PMS1: variants seen among roughly 807,000 people sequenced by gnomAD.
The protein encoded by PMS1 is PMS1 protein homolog 1.
PMS1 carries 79 observed loss-of-function variants against 93.1 expected under a neutral mutation model. That is an observed-to-expected ratio of 0.85 (90% CI 0.71 to 1.02). PMS1 has a LOEUF of 1.02. PMS1 is among the 50% of genes least tolerant of loss of function. PMS1 has a pLI of 0.00. For synonymous variants in PMS1, 335 were observed against 363.4 expected, an observed-to-expected ratio of 0.92 and a Z score of 0.89; for missense variants, 1,064 against 1,085.3, an observed-to-expected ratio of 0.98 and a Z score of 0.28.
intron 5 of PMS1, among the ~76,000 whole-genome samples, chr2:189,834,099 C>T (rs2106380582): frequency 6.6e-6 from 1 of 152,276 alleles, no homozygotes; most frequent in Non-Finnish European, 1.5e-5. Flanking sequence ...GCATTCACAG[C>T]ACAGCGCCTG....
At position 189,818,873 on chromosome 2, in the gene PMS1, C is replaced by T. The variant is rs1008870548; in HGVS notation, c.582+693C>T. Reference sequence around the variant, plus strand: ...CTTTAAAGACTTCACAATTTAGTGACATTTTTCACCCTCTACACTGTTGAT... The same window carrying T: ...CTTTAAAGACTTCACAATTTAGTGATATTTTTCACCCTCTACACTGTTGAT... On this transcript the variant is annotated intron_variant, in intron 5 of 12. Transcript: ENST00000441310. Among the ~76,000 whole-genome samples, 4 of 152,158 alleles carry T rather than the reference C, an allele frequency of 2.6e-5. No homozygotes were observed. The East Asian group carries it at 7.7e-4, about 29-fold the overall frequency.
intron 2 of PMS1, among the ~76,000 whole-genome samples, chr2:189,794,273 C>G (rs770353412): frequency 6.6e-6 from 1 of 151,900 alleles, no homozygotes; most frequent in Admixed American, 6.6e-5. Context: ...CCACCATGCC[C>G]GGCTAATTTT....
At chr2:189,803,422 G>C (rs1183746820) in intron 3 of PMS1, among the ~76,000 whole-genome samples, 1 of 152,126 alleles carries the variant, frequency 6.6e-6, no homozygotes, top group Non-Finnish European at 1.5e-5. Flanking sequence ...TAGCCTCCAA[G>C]GTCCTCTAAG....
chr2:189,855,215 T>C (rs1225239358), intron 9 of PMS1, 87 bp downstream of exon 9: 22 of 1,128,146 alleles, frequency 2.0e-5, no homozygotes, highest in Admixed American at 7.4e-5. Context: ...TTTTTTCACT[T>C]CTTATTTATG....
chr2:189,865,430 A>C (rs767085972), intron 10 of PMS1, among the ~76,000 whole-genome samples: 4 of 152,172 alleles, frequency 2.6e-5, no homozygotes, highest in African/African-American at 9.7e-5. Context: ...TTTTCTGATG[A>C]ATCTACTTAA....
intron 6 of PMS1, among the ~76,000 whole-genome samples, chr2:189,846,591 A>T (rs1374919975): frequency 6.6e-6 from 1 of 151,510 alleles, no homozygotes; most frequent in Non-Finnish European, 1.5e-5. Context: ...AGGTGGGAGG[A>T]TCCCTTGAGC....
chr2:189,821,382 G>A (rs1482351703), intron 5 of PMS1, among the ~76,000 whole-genome samples: 16 of 151,254 alleles, frequency 1.1e-4, no homozygotes, highest in Admixed American at 1.1e-3. Context: ...TTAAACCCGG[G>A]AAGCAGGGAG....
intron 6 of PMS1, among the ~76,000 whole-genome samples, chr2:189,851,082 G>T (rs1409823145): frequency 4.6e-5 from 7 of 152,088 alleles, no homozygotes; most frequent in Admixed American, 4.6e-4. Flanking sequence ...ATTTTTCCAT[G>T]AACTGGCCTG....
At position 189,795,386 on chromosome 2, in the gene PMS1, G is replaced by A. The variant is rs139547191; in HGVS notation, c.133-383G>A. On this transcript the variant is annotated intron_variant, in intron 2 of 12. Coordinates refer to ENST00000441310, the MANE Select transcript of PMS1 (RefSeq NM_000534.5). ...GAACATGTGTTACTTTGTCGCTGAT[G>A]GAGTTCTGTTCTGTTCTGTTTTGTT... 4.4e-3 allele frequency among the ~76,000 whole-genome samples: 667 copies of A among 152,312 alleles called. 8 individuals carry two copies. Among genetic ancestry groups the A allele is most frequent in the African/African-American group, 0.015 (627 of 41,576 alleles).
At chr2:189,855,681 T>TTATAACTTA (rs1421773840) in intron 9 of PMS1, 1 of 177,040 alleles carries the variant, frequency 5.6e-6, no homozygotes. Context: ...GTATTATTTA[T>TTATAACTTA]TATAACTTAT....
At chr2:189,801,973 G>A (rs915626179) in intron 3 of PMS1, among the ~76,000 whole-genome samples, 5 of 152,126 alleles carry the variant, frequency 3.3e-5, no homozygotes, top group African/African-American at 1.2e-4. Context: ...AAATGTAATA[G>A]CCATTCATAG....
intron 6 of PMS1, among the ~76,000 whole-genome samples, chr2:189,848,815 C>G (rs903037680): frequency 6.6e-6 from 1 of 152,204 alleles, no homozygotes; most frequent in African/African-American, 2.4e-5. Flanking sequence ...TACCCATTAT[C>G]ACTCCATTCT....
Position 189,805,749 on chromosome 2 carries a change from G to T in PMS1, c.413G>T (p.Gly138Val). 6.2e-7 allele frequency: 1 copy of T among 1,613,584 alleles called. No individual in the cohort carries two copies. Among genetic ancestry groups the T allele is most frequent in the Non-Finnish European group, 8.5e-7 (1 of 1,179,842 alleles). Residue 138 changes from glycine to valine, a missense_variant, in exon 4 of 13, where the codon GGT becomes GTT. Transcript: ENST00000441310. ...HILSQKPSHL[G>V]QGTTVTALRL... ...CTTTCTCAGAAACCTTCACATCTTG[G>T]TCAAGGTAAGAAAGTAGCTTTGTAT...
intron 3 of PMS1, among the ~76,000 whole-genome samples, chr2:189,800,944 C>T (rs2049834307): frequency 6.6e-6 from 1 of 152,142 alleles, no homozygotes; most frequent in South Asian, 2.1e-4. Flanking sequence ...GGTCAGTTTT[C>T]CTAATTTGTC....
chr2:189,839,588 T>C (rs1198297092), intron 5 of PMS1, among the ~76,000 whole-genome samples: 1 of 152,234 alleles, frequency 6.6e-6, no homozygotes, highest in African/African-American at 2.4e-5. Flanking sequence ...GTGATTTGTC[T>C]TAGAGACAAA....
intron 5 of PMS1, among the ~76,000 whole-genome samples, chr2:189,823,440 C>G (rs1325549066): frequency 6.8e-6 from 1 of 146,724 alleles, no homozygotes; most frequent in African/African-American, 2.5e-5. Context: ...ACCCCCTCAA[C>G]AGGCCCCGGT....
chr2:189,857,468 A>G (rs1267747882), intron 9 of PMS1: 3 of 469,450 alleles, frequency 6.4e-6, no homozygotes, highest in African/African-American at 4.0e-5. Flanking sequence ...TCCTGTCTTT[A>G]TCTTGGAGTT....
intron 1 of PMS1, among the ~76,000 whole-genome samples, chr2:189,790,886 T>A (rs2048804603): frequency 6.6e-6 from 1 of 152,176 alleles, no homozygotes. Context: ...GGATAATTCC[T>A]GTAGGAAAGT....
chr2:189,826,420 G>A (rs966101891), intron 5 of PMS1, among the ~76,000 whole-genome samples: 2 of 149,102 alleles, frequency 1.3e-5, no homozygotes, highest in Non-Finnish European at 3.0e-5. Flanking sequence ...TTAGCTTGGG[G>A]CTGATTATCA....
Sources: allele counts gnomAD v4.1 joint callset (sites outside exome capture counted in the v4.1 genomes callset), GRCh38; gene constraint gnomAD v4.1.1; transcripts MANE v1.5; gene names NCBI Gene and HGNC (gene_info 2026-07-23, HGNC 2026-07-21).